NRG1: variants seen among roughly 807,000 people sequenced by gnomAD.
The protein encoded by NRG1 is neuregulin 1.
NRG1 carries 18 observed loss-of-function variants against 63.8 expected under a neutral mutation model. The ratio of observed to expected loss-of-function variants is 0.28; its 90% CI spans 0.19 to 0.42. The LOEUF (loss-of-function observed/expected upper bound fraction) is 0.42, where lower values mean the gene tolerates loss of function less well. NRG1 is among the 10% of genes least tolerant of loss of function. The probability of loss-of-function intolerance (pLI) is 1.00; values close to 1 mark genes in which losing one functional copy is unlikely to be tolerated. For missense variants in NRG1, 762 were observed against 814.7 expected (o/e 0.94, Z 0.79); for synonymous variants, 302 against 301.3 (o/e 1.00, Z -0.02).
intron 1 of NRG1, among the ~76,000 whole-genome samples, chr8:32,053,324 G>A (rs1427513477): frequency 6.6e-6 from 1 of 152,156 alleles, no homozygotes; most frequent in African/African-American, 2.4e-5. Flanking sequence ...TCACAAGCAT[G>A]TATTGAATGA....
At chr8:31,837,909 T>C (rs1215876813) in intron 1 of NRG1, among the ~76,000 whole-genome samples, 1 of 152,096 alleles carries the variant, frequency 6.6e-6, no homozygotes. Flanking sequence ...GGATTCTGTA[T>C]TTCACTATTG....
rs1554547024 is a variant in NRG1, at chr8:31,834,307, G to GCACACA, written c.37+194894_37+194899dup. Among the ~76,000 whole-genome samples, 186 of 119,516 alleles carry GCACACA rather than the reference G, an allele frequency of 1.6e-3. 1 individual carries two copies. The highest frequency in any genetic ancestry group is 6.3e-3 in the African/African-American group (170 of 27,008). The allele number at this position is 119,516 out of a possible 152,430, so 78.4% of individuals were successfully genotyped here. ...CCTTCATGCGTGTGCGCGCACGCGC[G>GCACACA]CACACACACACACACACACACACGC... On this transcript the variant is annotated intron_variant, in intron 1 of 10. Coordinates refer to the NRG1 transcript ENST00000519301.
intron 1 of NRG1, among the ~76,000 whole-genome samples, chr8:31,906,423 G>C (rs1007981457): frequency 2.9e-4 from 44 of 152,278 alleles, no homozygotes; most frequent in Admixed American, 6.5e-4. Flanking sequence ...GCTGGAGATG[G>C]AGATCCTTGG....
At chr8:31,641,413 T>A (rs1358049296) in intron 1 of NRG1, among the ~76,000 whole-genome samples, 1 of 151,994 alleles carries the variant, frequency 6.6e-6, no homozygotes, top group Admixed American at 6.6e-5. Context: ...TGCACTTCAC[T>A]GCATCAGAAC....
intron 1 of NRG1, among the ~76,000 whole-genome samples, chr8:32,109,533 T>C (rs1831725050): frequency 6.6e-6 from 1 of 152,174 alleles, no homozygotes; most frequent in Non-Finnish European, 1.5e-5. Flanking sequence ...GTTGTTGCAC[T>C]GCATAATGAA....
At chr8:32,771,378 G>A (rs954122953), downstream of NRG1, among the ~76,000 whole-genome samples, 7 of 145,510 alleles carry the variant, frequency 4.8e-5, no homozygotes, top group Non-Finnish European at 8.9e-5. Flanking sequence ...CTCCTGCCTC[G>A]GCCTCCCAAA....
chr8:32,140,056 A>T (rs147596703), intron 1 of NRG1, among the ~76,000 whole-genome samples: 5 of 152,274 alleles, frequency 3.3e-5, no homozygotes, highest in Admixed American at 6.5e-5. Context: ...GACCTAACTG[A>T]TGAGAGGTGC....
chr8:32,635,627 TCTGGGAG>T (rs1851200227), intron 5 of NRG1, among the ~76,000 whole-genome samples: 1 of 152,178 alleles, frequency 6.6e-6, no homozygotes, highest in African/African-American at 2.4e-5. Flanking sequence ...ACCACCTGTC[TCTGGGAG>T]CACAGTTAAT....
At chr8:31,880,847 G>A (rs1830295720) in intron 1 of NRG1, among the ~76,000 whole-genome samples, 1 of 152,078 alleles carries the variant, frequency 6.6e-6, no homozygotes, top group East Asian at 1.9e-4. Context: ...GAGTATTTGT[G>A]TTTGACAGCA....
chr8:32,429,996 G>A (rs575928667), intron 1 of NRG1, among the ~76,000 whole-genome samples: 18 of 152,180 alleles, frequency 1.2e-4, no homozygotes, highest in Non-Finnish European at 8.8e-5. Context: ...ATATGTGTGT[G>A]TATGGAAACT....
Position 32,335,988 on chromosome 8 carries a change from C to CCACA in NRG1, c.38-259828_38-259825dup, listed in dbSNP as rs369664055. Among the ~76,000 whole-genome samples, 184 of 150,652 alleles carry CCACA rather than the reference C, an allele frequency of 1.2e-3. 1 individual carries two copies. Among genetic ancestry groups the CCACA allele is most frequent in the Middle Eastern group, 6.9e-3 (2 of 288 alleles). On this transcript the variant is annotated intron_variant, in intron 1 of 10. Transcript: ENST00000519301. ...ACACCTACCCTCACTCTCCACCCAC[C>CCACA]CACACACACACACACTGGAAATTGT... is the stretch of plus-strand genomic sequence containing the variant.
intron 1 of NRG1, among the ~76,000 whole-genome samples, chr8:31,692,945 AC>A (rs1809677402): frequency 6.6e-6 from 1 of 152,222 alleles, no homozygotes; most frequent in Non-Finnish European, 1.5e-5. Context: ...TGAAGATACA[AC>A]CTGGGTTGGA....
chr8:32,555,502 C>T (rs1834949539), intron 1 of NRG1, among the ~76,000 whole-genome samples: 2 of 152,174 alleles, frequency 1.3e-5, no homozygotes, highest in African/African-American at 2.4e-5. Context: ...GACGGAGTCT[C>T]ACTGTGTCAC....
chr8:31,987,681 C>T (rs984026218), intron 1 of NRG1, among the ~76,000 whole-genome samples: 1 of 151,924 alleles, frequency 6.6e-6, no homozygotes, highest in Non-Finnish European at 1.5e-5. Flanking sequence ...TTTGTATAAC[C>T]AAACCCCAGC....
chr8:31,712,253 ATCTTTTTTTTTT>A (rs1221236012), intron 1 of NRG1, among the ~76,000 whole-genome samples: 9 of 63,480 alleles, frequency 1.4e-4, no homozygotes, highest in Non-Finnish European at 2.2e-4. Context: ...CTTCTTCATG[ATCTTTTTTTTTT>A]TTTTTTTTTT....
intron 1 of NRG1, among the ~76,000 whole-genome samples, chr8:32,487,428 T>A (rs901413904): frequency 6.6e-6 from 1 of 152,124 alleles, no homozygotes; most frequent in Non-Finnish European, 1.5e-5. Context: ...TGGTTTTTTT[T>A]TTTAATTCTT....
intron 1 of NRG1, among the ~76,000 whole-genome samples, chr8:31,909,066 G>A (rs1303377793): frequency 6.6e-6 from 1 of 152,102 alleles, no homozygotes; most frequent in Non-Finnish European, 1.5e-5. Context: ...CTAAGTTAGT[G>A]GATATTTGGT....
intron 1 of NRG1, among the ~76,000 whole-genome samples, chr8:32,308,999 T>A (rs1856525502): frequency 6.6e-6 from 1 of 152,220 alleles, no homozygotes; most frequent in Non-Finnish European, 1.5e-5. Flanking sequence ...TATTTGTTTT[T>A]TTCTGGTGGC....
intron 5 of NRG1, among the ~76,000 whole-genome samples, chr8:32,693,443 C>T (rs930423316): frequency 5.3e-5 from 8 of 151,794 alleles, no homozygotes; most frequent in Non-Finnish European, 1.0e-4. Context: ...GTCTTGATCT[C>T]CTGACCTTGT....
Sources: allele counts gnomAD v4.1 joint callset (sites outside exome capture counted in the v4.1 genomes callset), GRCh38; gene constraint gnomAD v4.1.1; transcripts MANE v1.5; gene names NCBI Gene and HGNC (gene_info 2026-07-23, HGNC 2026-07-21).